The following ADISSP variants were observed in gnomAD, a reference collection of about 807,000 sequenced individuals.
The protein encoded by ADISSP is adipose-secreted signaling protein.
At chr20:3,757,497 A>T in the ADISSP span, among the ~76,000 whole-genome samples, 1 of 152,066 alleles carries the variant, frequency 6.6e-6, no homozygotes, top group Non-Finnish European at 1.5e-5. Flanking sequence ...TGGATTTTGC[A>T]ATGAGGGGAG....
At chr20:3,754,898 G>A in the ADISSP span, among the ~76,000 whole-genome samples, 12 of 152,278 alleles carry the variant, frequency 7.9e-5, no homozygotes, top group East Asian at 1.9e-4. Flanking sequence ...GAGCAGATCC[G>A]ATGGCAAGAG....
At chr20:3,757,383 A>G in the ADISSP span, among the ~76,000 whole-genome samples, 2 of 152,156 alleles carry the variant, frequency 1.3e-5, no homozygotes, top group East Asian at 1.9e-4. Flanking sequence ...CACACATCAG[A>G]ATATTAACCA....
chr20:3,753,902 C>T, the ADISSP span: 1 of 625,806 alleles, frequency 1.6e-6, no homozygotes, highest in Non-Finnish European at 2.9e-6. Context: ...AGGGTGGCAG[C>T]ACAAATGAAG....
chr20:3,756,351 C>T, the ADISSP span, among the ~76,000 whole-genome samples: 1 of 152,366 alleles, frequency 6.6e-6, no homozygotes, highest in African/African-American at 2.4e-5. Flanking sequence ...TGGTGACAAC[C>T]ACCCTCTGGG....
At chr20:3,754,576 C>G in the ADISSP span, 3 of 1,583,692 alleles carry the variant, frequency 1.9e-6, no homozygotes, top group Non-Finnish European at 2.6e-6. Context: ...CGATCCTGCC[C>G]CTGGCACTCA....
the ADISSP span, chr20:3,755,705 T>A: frequency 9.1e-7 from 1 of 1,101,516 alleles, no homozygotes. Context: ...CCCCAGCACC[T>A]GCTTCCCCAG....
the ADISSP span, among the ~76,000 whole-genome samples, chr20:3,764,026 C>T: frequency 3.9e-5 from 6 of 152,194 alleles, no homozygotes; most frequent in Admixed American, 1.3e-4. Flanking sequence ...AGTGGAGCTA[C>T]ACCCATTCAC....
chr20:3,755,704 C>T, the ADISSP span: 2 of 1,106,204 alleles, frequency 1.8e-6, no homozygotes, highest in Non-Finnish European at 1.3e-6. Flanking sequence ...GCCCCAGCAC[C>T]TGCTTCCCCA....
the ADISSP span, chr20:3,758,530 A>G: frequency 3.7e-6 from 6 of 1,608,156 alleles, no homozygotes; most frequent in Admixed American, 5.0e-5. This position sits in a 1 kb window ranked among gnomAD's most constrained non-coding sequence, Gnocchi z 5.5. Flanking sequence ...GTAGGTGTGC[A>G]TGTACCTTGA....
the ADISSP span, chr20:3,759,874 C>T: frequency 8.0e-6 from 6 of 754,476 alleles, no homozygotes; most frequent in Non-Finnish European, 1.3e-5. This position sits in a 1 kb window ranked among gnomAD's most constrained non-coding sequence, Gnocchi z 4.6. Flanking sequence ...CAGGGCTCTG[C>T]AGGGGTCCTG....
At chr20:3,757,487 T>G in the ADISSP span, among the ~76,000 whole-genome samples, 1 of 152,168 alleles carries the variant, frequency 6.6e-6, no homozygotes, top group Non-Finnish European at 1.5e-5. Context: ...AAGACATGAG[T>G]GGATTTTGCA....
At chr20:3,758,011 A>G in the ADISSP span, among the ~76,000 whole-genome samples, 1 of 143,670 alleles carries the variant, frequency 7.0e-6, no homozygotes, top group Admixed American at 7.1e-5. This position sits in a 1 kb window ranked among gnomAD's most constrained non-coding sequence, Gnocchi z 5.5. Flanking sequence ...CACCAAGCAG[A>G]AAACAGGGGG....
At chr20:3,758,208 C>T in the ADISSP span, among the ~76,000 whole-genome samples, 1 of 152,196 alleles carries the variant, frequency 6.6e-6, no homozygotes, top group Non-Finnish European at 1.5e-5. This position sits in a 1 kb window ranked among gnomAD's most constrained non-coding sequence, Gnocchi z 5.5. Context: ...ACTCAGGTGA[C>T]CTTCCCAAGG....
chr20:3,755,178 G>T, the ADISSP span, among the ~76,000 whole-genome samples: 1 of 152,172 alleles, frequency 6.6e-6, no homozygotes, highest in Non-Finnish European at 1.5e-5. Context: ...AGGAGGGAAG[G>T]CTGGAGGCTT....
the ADISSP span, among the ~76,000 whole-genome samples, chr20:3,758,004 C>T: frequency 6.9e-6 from 1 of 144,546 alleles, no homozygotes; most frequent in African/African-American, 2.7e-5. This position sits in a 1 kb window ranked among gnomAD's most constrained non-coding sequence, Gnocchi z 5.5. Context: ...CCAGCTCCAC[C>T]AAGCAGAAAA....
At chr20:3,765,658 G>C in the ADISSP span, among the ~76,000 whole-genome samples, 1 of 152,142 alleles carries the variant, frequency 6.6e-6, no homozygotes, top group African/African-American at 2.4e-5. Flanking sequence ...CTTAGAGTGG[G>C]CCCCAGGGAC....
chr20:3,763,505 C>A, the ADISSP span, among the ~76,000 whole-genome samples: 1 of 144,242 alleles, frequency 6.9e-6, no homozygotes, highest in South Asian at 2.1e-4. Context: ...TGCGGTGAGC[C>A]GAGATTGCGC....
chr20:3,765,784 G>A, the ADISSP span, among the ~76,000 whole-genome samples: 3 of 152,088 alleles, frequency 2.0e-5, no homozygotes, highest in Non-Finnish European at 4.4e-5. Flanking sequence ...ACAGATGCTG[G>A]GAGTTTCCAG....
At chr20:3,758,201 C>T in the ADISSP span, among the ~76,000 whole-genome samples, 1 of 152,206 alleles carries the variant, frequency 6.6e-6, no homozygotes, top group Non-Finnish European at 1.5e-5. This position sits in a 1 kb window ranked among gnomAD's most constrained non-coding sequence, Gnocchi z 5.5. Flanking sequence ...AAAAGAAACT[C>T]AGGTGACCTT....
Sources: gnomAD v4.1 joint callset for allele counts (sites outside exome capture counted in the v4.1 genomes callset) on GRCh38, gnomAD v4.1.1 for gene constraint, Gnocchi (gnomAD v3.1) non-coding constraint, MANE v1.5 for transcripts, NCBI Gene and HGNC (gene_info 2026-07-23, HGNC 2026-07-21) for gene names.